The following KLHL13 variants were observed in gnomAD, a reference collection of about 807,000 sequenced individuals.
KLHL13 encodes kelch-like protein 13.
A neutral mutation model predicts 37.1 loss-of-function variants in KLHL13; 10 were observed. The ratio of observed to expected loss-of-function variants is 0.27; its 90% confidence interval spans 0.17 to 0.46. The LOEUF is 0.46. Among genes scored for constraint, KLHL13 ranks in the 20% least tolerant of loss-of-function variants. KLHL13 has a pLI of 1.00. For missense variants in KLHL13, 360 were observed against 509.3 expected (o/e 0.71, Z 2.82); for synonymous variants, 163 against 181.2 (o/e 0.90, Z 0.81).
chrX:118,102,620 G>T (rs1468961385), intron 1 of KLHL13, among the ~76,000 whole-genome samples: 1 of 111,972 alleles, frequency 8.9e-6, no homozygotes, highest in Non-Finnish European at 1.9e-5. Context: ...AATTTCTGTT[G>T]AATTAATTTG....
chrX:118,106,621 T>C (rs2055350088), intron 1 of KLHL13, among the ~76,000 whole-genome samples: 1 of 111,669 alleles, frequency 9.0e-6, no homozygotes, highest in African/African-American at 3.3e-5. Context: ...CCTGTGAATA[T>C]ACAGTATATG....
chrX:117,992,234 T>TAAAAA (rs773486522), intron 1 of KLHL13, among the ~76,000 whole-genome samples: 1 of 84,007 alleles, frequency 1.2e-5, no homozygotes, highest in African/African-American at 4.6e-5. Flanking sequence ...AACTGAGATG[T>TAAAAA]AAAAAAAAAA....
At chrX:117,985,464 ACCT>A in intron 1 of KLHL13, 10 of 663,138 alleles carry the variant, frequency 1.5e-5, no homozygotes, top group South Asian at 8.3e-5. Flanking sequence ...AAAAAAAAAA[ACCT>A]ATGTACTGCA....
intron 1 of KLHL13, among the ~76,000 whole-genome samples, chrX:118,039,874 A>C (rs2054489465): frequency 9.0e-6 from 1 of 111,266 alleles, no homozygotes; most frequent in Non-Finnish European, 1.9e-5. Flanking sequence ...CCTCAGCTCT[A>C]AACAACTCAG....
At position 117,985,983 on chromosome X, in the gene KLHL13, T is replaced by C. The variant is rs144670530; in HGVS notation, c.-55-40408A>G. On this transcript the variant is annotated intron_variant, in intron 1 of 6. Transcript: ENST00000371882. ...AAATAAAACTACACATGATGTAAAG[T>C]AAATGATCAATGAATAATTTTACAG... Among the ~76,000 whole-genome samples the C allele has an allele frequency of 1.5e-3, 168 of 111,490 alleles. 2 individuals carry two copies. The highest frequency in any genetic ancestry group is 5.3e-3 in the African/African-American group (163 of 30,797).
At chrX:118,086,062 C>A (rs1483436831) in intron 1 of KLHL13, among the ~76,000 whole-genome samples, 2 of 110,386 alleles carry the variant, frequency 1.8e-5, no homozygotes, top group African/African-American at 3.3e-5. Flanking sequence ...CTCAGCCTCC[C>A]AAGTAGCTGG....
At chrX:117,928,771 T>TA (rs1240017457) in intron 2 of KLHL13, among the ~76,000 whole-genome samples, 1 of 111,642 alleles carries the variant, frequency 9.0e-6, no homozygotes, top group African/African-American at 3.3e-5. Context: ...GTTTCCTTCT[T>TA]AAAAAACTAG....
At chrX:117,904,480 T>A (rs986374527) in intron 5 of KLHL13, among the ~76,000 whole-genome samples, 1 of 110,901 alleles carries the variant, frequency 9.0e-6, no homozygotes, top group African/African-American at 3.3e-5. Context: ...GAGTTGGAAA[T>A]GGTAAAGAGG....
intron 1 of KLHL13, among the ~76,000 whole-genome samples, chrX:118,032,722 C>T (rs756210685): frequency 2.6e-4 from 29 of 112,277 alleles, no homozygotes; most frequent in East Asian, 2.2e-3. Context: ...TCACCAGCAA[C>T]GGAACAAAGC....
chrX:118,027,648 TACACAC>T lies in KLHL13; in HGVS notation c.-55-82079_-55-82074del, dbSNP rs34640779. On this transcript the variant is annotated intron_variant, in intron 1 of 6. Transcript: ENST00000371882. ...TCTATTTTTTCTCTCTCTCCACACATACACACACACACACACACACACACTTTCATA... is the reference window on the plus strand; with the variant it reads ...TCTATTTTTTCTCTCTCTCCACACATACACACACACACACACACTTTCATA... Among the ~76,000 whole-genome samples, 69 of 103,800 alleles carry T rather than the reference TACACAC, an allele frequency of 6.6e-4. No individual in the cohort carries two copies. The South Asian group carries it at 7.1e-3, about 11-fold the overall frequency. 90.1% of individuals were successfully genotyped at this position (103,800 alleles called of 115,157 possible).
exon 5 of KLHL13, chrX:117,909,672 C>T: frequency 8.3e-7 from 1 of 1,210,885 alleles, no homozygotes. Context: ...AATGGCAGTC[C>T]TGTCTGACTG....
At chrX:117,900,347 T>C (rs1930008752) in intron 6 of KLHL13, among the ~76,000 whole-genome samples, 1 of 112,309 alleles carries the variant, frequency 8.9e-6, no homozygotes, top group Non-Finnish European at 1.9e-5. Context: ...ACAGTGTTCA[T>C]TGTTTTGAAA....
chrX:117,939,246 C>A (rs1398882641), intron 2 of KLHL13, among the ~76,000 whole-genome samples: 1 of 111,638 alleles, frequency 9.0e-6, no homozygotes, highest in Non-Finnish European at 1.9e-5. Flanking sequence ...CAGCTTCATG[C>A]ATGTCCCTGC....
intron 1 of KLHL13, among the ~76,000 whole-genome samples, chrX:118,008,929 A>G (rs2054020815): frequency 8.9e-6 from 1 of 111,781 alleles, no homozygotes; most frequent in South Asian, 3.8e-4. Flanking sequence ...AAGGTTTTGT[A>G]CCTAGTACAA....
At chrX:118,108,804 A>G (rs1179200859) in intron 1 of KLHL13, among the ~76,000 whole-genome samples, 1 of 110,705 alleles carries the variant, frequency 9.0e-6, no homozygotes, top group East Asian at 2.9e-4. Context: ...TTTTTTAAAA[A>G]TTTTTTTAGA....
intron 1 of KLHL13, among the ~76,000 whole-genome samples, chrX:118,050,476 T>A (rs1396933814): frequency 2.7e-5 from 3 of 111,939 alleles, no homozygotes; most frequent in Non-Finnish European, 5.6e-5. Context: ...TTCAATTTCA[T>A]AATGTTACAA....
At chrX:117,916,099 G>T (rs111345227) in intron 4 of KLHL13, among the ~76,000 whole-genome samples, 1 of 110,236 alleles carries the variant, frequency 9.1e-6, no homozygotes, top group African/African-American at 3.3e-5. Context: ...CGGAGGTTGC[G>T]ATGAGCCAAG....
intron 1 of KLHL13, among the ~76,000 whole-genome samples, chrX:117,992,234 T>TAA (rs773486522): frequency 0.042 from 3,518 of 83,956 alleles, 226 homozygotes; most frequent in African/African-American, 0.15. Flanking sequence ...AACTGAGATG[T>TAA]AAAAAAAAAA....
chrX:117,957,998 T>C (rs997577111), intron 1 of KLHL13, among the ~76,000 whole-genome samples: 1 of 111,891 alleles, frequency 8.9e-6, no homozygotes, highest in East Asian at 2.8e-4. Context: ...TGGTCACTAG[T>C]AGATTGCTTC....
Sources: gnomAD v4.1 joint callset for allele counts (sites outside exome capture counted in the v4.1 genomes callset) on GRCh38, gnomAD v4.1.1 for gene constraint, MANE v1.5 for transcripts, NCBI Gene and HGNC (gene_info 2026-07-23, HGNC 2026-07-21) for gene names.